Variants in CCT5 observed in about 807,000 individuals in gnomAD.
The protein encoded by CCT5 is T-complex protein 1 subunit epsilon.
In CCT5, 6 loss-of-function variants were observed where a neutral mutation model predicts 55.0. The ratio of observed to expected loss-of-function variants is 0.11; its 90% CI spans 0.06 to 0.22. The LOEUF (loss-of-function observed/expected upper bound fraction) is 0.22, where lower values mean the gene tolerates loss of function less well. Among genes scored for constraint, CCT5 ranks in the 10% least tolerant of loss-of-function variants. The probability of loss-of-function intolerance (pLI) is 1.00; values close to 1 mark genes in which losing one functional copy is unlikely to be tolerated. For missense variants in CCT5, 560 were observed against 694.6 expected, an observed-to-expected ratio of 0.81 and a Z score of 2.18; for synonymous variants, 231 against 243.7, an observed-to-expected ratio of 0.95 and a Z score of 0.49.
intron 1 of CCT5, chr5:10,251,020 G>C (rs980245752): frequency 3.6e-6 from 1 of 279,518 alleles, no homozygotes; most frequent in African/African-American, 2.3e-5. Flanking sequence ...GAGAAGGACA[G>C]CTACGGAGAG....
chr5:10,257,013 T>C (rs1004838180), intron 4 of CCT5, among the ~76,000 whole-genome samples: 5 of 152,192 alleles, frequency 3.3e-5, no homozygotes, highest in Non-Finnish European at 5.9e-5. Context: ...AGACTTAAGG[T>C]CTGTTGCCGT....
Position 10,264,668 on chromosome 5 carries a change from A to G in CCT5, c.1511A>G (p.Gln504Arg). 1.2e-6 allele frequency: 2 copies of G among 1,610,852 alleles called. No homozygotes were observed. Among genetic ancestry groups the G allele is most frequent in the Non-Finnish European group, 1.7e-6 (2 of 1,177,044 alleles). Reference protein sequence around the residue: ...LHKGTNDMKQQHVIETLIGKK... With the variant: ...LHKGTNDMKQRHVIETLIGKK... ...TTGTATTTTTCAGATATGAAGCAACAGCATGTCATAGAAACCTTGATTGGC... is the reference window on the plus strand; with the variant it reads ...TTGTATTTTTCAGATATGAAGCAACGGCATGTCATAGAAACCTTGATTGGC... Residue 504 changes from glutamine (Q) to arginine (R), a missense_variant, in exon 11 of 11, where the codon CAG becomes CGG. Gln to Arg is a conservative substitution (Grantham distance 43, BLOSUM62 1). Around this residue, in one of 4 missense-constraint regions of CCT5, gnomAD observed 115 missense variants for 105.0 expected, o/e 1.10. Transcript: ENST00000280326.
In CCT5 at chr5:10,250,300, G is replaced by T. The variant is rs765208013; in HGVS notation, c.-41G>T. On this transcript the variant is annotated 5_prime_UTR_variant, in exon 1 of 11. Coordinates refer to ENST00000280326, the MANE Select transcript of CCT5 (RefSeq NM_012073.5). ...GAAGTGCATTCTCGCTTCCGTAGCG[G>T]TCTCCGCCGGTTGGGGGGAAGTAAT... The T allele has an allele frequency of 6.2e-7, 1 of 1,613,444 alleles. No homozygotes were observed. Among genetic ancestry groups the T allele is most frequent in the African/African-American group, 1.3e-5 (1 of 74,948 alleles).
At chr5:10,262,368 G>A (rs2126516556) in intron 8 of CCT5, 113 bp from the exon 9 acceptor site, 1 of 1,109,304 alleles carries the variant, frequency 9.0e-7, no homozygotes, top group Admixed American at 1.8e-5. Flanking sequence ...CGATAGTGGA[G>A]GCCATCTAAA....
Position 10,265,290 on chromosome 5 carries a change from C to G in CCT5, c.*507C>G, listed in dbSNP as rs1403537793. ...TGTTACTAGGTTGCTCACAGCCTAA[C>G]CTGGCGTGTTGTTTAGGGCTGATGG... On this transcript the variant is annotated 3_prime_UTR_variant, in exon 11 of 11. Transcript: ENST00000280326. 6 of 172,136 alleles carry G rather than the reference C, an allele frequency of 3.5e-5. No homozygotes were observed. The East Asian group carries it at 9.9e-4, about 28-fold the overall frequency. 10.7% of individuals were successfully genotyped at this position (172,136 alleles called of 1,614,324 possible). A position where few individuals can be genotyped will look rare whatever the true frequency, so the allele number is the denominator to read the frequency against.
intron 10 of CCT5, 34 bp from the exon 11 acceptor site, chr5:10,264,622 A>C (rs771366258): frequency 7.5e-7 from 1 of 1,341,882 alleles, no homozygotes; most frequent in Non-Finnish European, 1.1e-6. Flanking sequence ...ATTGTATGCT[A>C]TTTTAGGATA....
intron 8 of CCT5, chr5:10,262,174 A>T: frequency 2.4e-6 from 1 of 416,328 alleles, no homozygotes; most frequent in Non-Finnish European, 4.5e-6. Flanking sequence ...CCAAGTGAAT[A>T]ACCATTGACG....
At chr5:10,256,510 A>G (rs950462062) in intron 4 of CCT5, among the ~76,000 whole-genome samples, 2 of 152,156 alleles carry the variant, frequency 1.3e-5, no homozygotes, top group African/African-American at 4.8e-5. Context: ...GAGCTCAGGA[A>G]TTGAAGACCA....
In CCT5 at chr5:10,258,101, T is replaced by C. The variant is rs761866534; in HGVS notation, c.531-10T>C. Reference sequence around the variant, plus strand: ...AACCAATGAAGTTTGTTTTGTGGTGTTTTCCTCAGGGTCAACAGTTGTCAC... The same window carrying C: ...AACCAATGAAGTTTGTTTTGTGGTGCTTTCCTCAGGGTCAACAGTTGTCAC... On this transcript the variant is annotated splice_polypyrimidine_tract_variant and intron_variant, in intron 4 of 10. Transcript: ENST00000280326. 6.2e-7 allele frequency: 1 copy of C among 1,613,828 alleles called. No individual in the cohort carries two copies. Among genetic ancestry groups the C allele is most frequent in the African/African-American group, 1.3e-5 (1 of 74,906 alleles).
At chr5:10,263,454 A>G (rs1337697692) in intron 10 of CCT5, 140 bp downstream of exon 10, 23 of 761,944 alleles carry the variant, frequency 3.0e-5, no homozygotes, top group Non-Finnish European at 4.8e-5. Flanking sequence ...CCTGAATTTT[A>G]GAATGTTTGA....
chr5:10,260,461 G>T (rs1046594386), intron 6 of CCT5, among the ~76,000 whole-genome samples: 1 of 152,230 alleles, frequency 6.6e-6, no homozygotes, highest in African/African-American at 2.4e-5. Flanking sequence ...AGAGCTGTTA[G>T]CCATTTCCCC....
Position 10,258,511 on chromosome 5 carries a change from G to A in CCT5, c.849G>A (p.Glu283=), listed in dbSNP as rs1745793132. The stretch of plus-strand genomic sequence containing the variant: ...AAGCCCTTCAGAAATACGAAAAGGA[G>A]AAATTTGAAGAGATGATTCAACAAG... ...DYKALQKYEK[E]KFEEMIQQIK... Residue 283 remains glutamate (E), a synonymous_variant, in exon 6 of 11, where the codon GAG becomes GAA. Coordinates refer to ENST00000280326, the MANE Select transcript of CCT5 (RefSeq NM_012073.5). 2 of 1,613,824 alleles carry A rather than the reference G, an allele frequency of 1.2e-6. No individual in the cohort carries two copies. Among genetic ancestry groups the A allele is most frequent in the African/African-American group, 2.7e-5 (2 of 75,042 alleles).
intron 8 of CCT5, chr5:10,261,965 A>G (rs980409169): frequency 1.8e-6 from 1 of 550,224 alleles, no homozygotes; most frequent in Non-Finnish European, 3.3e-6. Flanking sequence ...TATACAATAT[A>G]CACTATGAGA....
At chr5:10,263,614 ATGTC>A (rs1746088272) in intron 10 of CCT5, among the ~76,000 whole-genome samples, 1 of 152,212 alleles carries the variant, frequency 6.6e-6, no homozygotes, top group African/African-American at 2.4e-5. Flanking sequence ...TTTTACACAG[ATGTC>A]TGTCAGTGGG....
chr5:10,264,772 T>C lies in CCT5; in HGVS notation c.1615T>C (p.Ser539Pro), dbSNP rs779415398. The C allele has an allele frequency of 1.6e-5, 25 of 1,610,618 alleles. No homozygotes were observed. The highest frequency in any genetic ancestry group is 2.0e-5 in the Non-Finnish European group (24 of 1,176,944). ...KIDDIRKPGE[S>P]EE ...TGATGACATTCGTAAGCCTGGAGAA[T>C]CTGAAGAATGAAGACATTGAGAAAA... The change falls in exon 11 of 11, where the codon TCT becomes CCT. Residue 539 changes from serine to proline, a missense_variant. By Grantham distance (74) the Ser-to-Pro change is moderately conservative. Around this residue, in one of 4 missense-constraint regions of CCT5, gnomAD observed 115 missense variants for 105.0 expected, o/e 1.10. Transcript: ENST00000280326.
rs779051065 is a variant in CCT5, at chr5:10,254,719, C to G, written c.212C>G (p.Thr71Ser). The G allele has an allele frequency of 1.2e-6, 2 of 1,613,624 alleles. No homozygotes were observed. The highest frequency in any genetic ancestry group is 1.1e-5 in the South Asian group (1 of 91,064). ...GATAAGGATGGAGATGTGACTGTAA[C>G]TAATGATGGGGCCACCATCTTAAGC... The part of the protein sequence containing the change: ...MVDKDGDVTV[T>S]NDGATILSMM... The change falls in exon 3 of 11, where the codon ACT (threonine) becomes AGT (serine). Residue 71 changes from threonine (T) to serine (S), a missense_variant. Coordinates refer to ENST00000280326, the MANE Select transcript of CCT5 (RefSeq NM_012073.5).
chr5:10,262,000 AAC>A, intron 8 of CCT5: 1 of 462,530 alleles, frequency 2.2e-6, no homozygotes, highest in East Asian at 4.5e-5. Flanking sequence ...TAAATACTTA[AAC>A]ACAGTTTAAA....
intron 4 of CCT5, 25 bp downstream of exon 4, chr5:10,256,178 T>C: frequency 1.3e-6 from 2 of 1,597,042 alleles, no homozygotes; most frequent in East Asian, 2.2e-5. Context: ...ATGATATGAT[T>C]ACCCATTTGT....
In CCT5 at chr5:10,265,860, A is replaced by G. The variant is rs1200254115; in HGVS notation, c.*1077A>G. 1 of 152,178 alleles carries G rather than the reference A, an allele frequency of 6.6e-6. No homozygotes were observed. Among genetic ancestry groups the G allele is most frequent in the East Asian group, 1.9e-4 (1 of 5,194 alleles). The allele number at this position is 152,178 out of a possible 1,614,324, so 9.4% of individuals were successfully genotyped here. A position where few individuals can be genotyped will look rare whatever the true frequency, so the allele number is the denominator to read the frequency against. On this transcript the variant is annotated 3_prime_UTR_variant, in exon 11 of 11. Coordinates refer to ENST00000280326, the MANE Select transcript of CCT5 (RefSeq NM_012073.5). The stretch of plus-strand genomic sequence containing the variant: ...GATGATAAAGCTCATGATGAACTTT[A>G]TCACTAGTTATGCCACCTTAACTAG...
Sources: gnomAD v4.1 joint callset for allele counts (sites outside exome capture counted in the v4.1 genomes callset) on GRCh38, gnomAD v4.1.1 for gene constraint, gnomAD v4.1.1 regional missense constraint, MANE v1.5 for transcripts, NCBI Gene and HGNC (gene_info 2026-07-23, HGNC 2026-07-21) for gene names.